The following UNC13C variants were observed in gnomAD, a reference collection of about 807,000 sequenced individuals.
UNC13C encodes the protein protein unc-13 homolog C.
UNC13C carries 174 observed loss-of-function variants against 245.4 expected under a neutral mutation model. The observed-to-expected ratio is 0.71, with a 90% CI of 0.63 to 0.80. The LOEUF is 0.80. Among genes scored for constraint, UNC13C ranks in the 30% least tolerant of loss-of-function variants. The probability of loss-of-function intolerance (pLI) is 0.00; values close to 1 mark genes in which losing one functional copy is unlikely to be tolerated. For synonymous variants in UNC13C, 992 were observed against 895.1 expected (o/e 1.11, Z -1.93); for missense variants, 2,829 against 2,602.9 (o/e 1.09, Z -1.89).
chr15:54,250,964 G>T (rs1216740390), intron 8 of UNC13C, among the ~76,000 whole-genome samples: 1 of 151,740 alleles, frequency 6.6e-6, no homozygotes, highest in African/African-American at 2.4e-5. Flanking sequence ...CATCCTGTTA[G>T]CCAGGATGGT....
chr15:54,424,078 G>A (rs576493636), intron 19 of UNC13C, among the ~76,000 whole-genome samples: 1 of 151,808 alleles, frequency 6.6e-6, no homozygotes, highest in South Asian at 2.1e-4. Context: ...AATTATTCAG[G>A]AACAAATGAA....
chr15:54,361,312 T>G (rs1475464461), intron 17 of UNC13C, among the ~76,000 whole-genome samples: 1 of 152,168 alleles, frequency 6.6e-6, no homozygotes, highest in African/African-American at 2.4e-5. Flanking sequence ...ATTCTTCAAT[T>G]TTAAGATTTT....
chr15:53,958,164 A>T, the UNC13C span, among the ~76,000 whole-genome samples: 50 of 151,988 alleles, frequency 3.3e-4, no homozygotes, highest in Admixed American at 6.5e-4. Flanking sequence ...TTGTCACCCA[A>T]TCCCCTTTTT....
the UNC13C span, among the ~76,000 whole-genome samples, chr15:53,941,508 C>G: frequency 5.3e-5 from 8 of 152,140 alleles, no homozygotes; most frequent in Middle Eastern, 3.4e-3. Context: ...GAACAGACCA[C>G]CTACATAATG....
chr15:54,259,268 A>C (rs2140881570), intron 8 of UNC13C, among the ~76,000 whole-genome samples: 1 of 152,352 alleles, frequency 6.6e-6, no homozygotes, highest in Non-Finnish European at 1.5e-5. Context: ...GATTCACTCA[A>C]GATTTTCTCC....
intron 30 of UNC13C, among the ~76,000 whole-genome samples, chr15:54,576,457 G>C (rs1897959322): frequency 6.6e-6 from 1 of 152,074 alleles, no homozygotes; most frequent in Non-Finnish European, 1.5e-5. Context: ...TTTCATGTTG[G>C]CAATAAATCC....
At chr15:54,090,505 A>T (rs1398816892) in intron 2 of UNC13C, among the ~76,000 whole-genome samples, 1 of 152,218 alleles carries the variant, frequency 6.6e-6, no homozygotes, top group African/African-American at 2.4e-5. Flanking sequence ...ATAGATCAAG[A>T]AAAGTTAAGT....
intron 19 of UNC13C, among the ~76,000 whole-genome samples, chr15:54,471,435 T>C (rs1209135683): frequency 1.3e-5 from 2 of 151,596 alleles, no homozygotes; most frequent in East Asian, 1.9e-4. Context: ...GAATTGACCC[T>C]TTATCATTTT....
the UNC13C span, among the ~76,000 whole-genome samples, chr15:53,922,179 T>A: frequency 6.6e-6 from 1 of 152,244 alleles, no homozygotes; most frequent in African/African-American, 2.4e-5. Flanking sequence ...GTGTTCAAAC[T>A]GTAGCCTTGT....
At chr15:54,559,590 G>C (rs559937739) in intron 29 of UNC13C, among the ~76,000 whole-genome samples, 1 of 152,024 alleles carries the variant, frequency 6.6e-6, no homozygotes, top group South Asian at 2.1e-4. Flanking sequence ...TTTGACTTGG[G>C]AACAAAAACA....
At chr15:53,976,820 G>C (rs1159380676), upstream of UNC13C, 5 of 152,288 alleles carry the variant, frequency 3.3e-5, no homozygotes, top group East Asian at 9.6e-4. Flanking sequence ...GTACTTTGCA[G>C]TGGTTATTTC....
chr15:54,007,674 C>G (rs1895201721), intron 1 of UNC13C, among the ~76,000 whole-genome samples: 1 of 152,110 alleles, frequency 6.6e-6, no homozygotes, highest in African/African-American at 2.4e-5. Flanking sequence ...GGCTTAATAC[C>G]TATGTAATGG....
the UNC13C span, among the ~76,000 whole-genome samples, chr15:53,919,265 C>T: frequency 2.0e-5 from 3 of 152,068 alleles, no homozygotes; most frequent in South Asian, 2.1e-4. Context: ...ATGCCTAATC[C>T]GTAGGGTTGT....
the UNC13C span, chr15:53,947,980 T>A: frequency 6.6e-6 from 1 of 152,254 alleles, no homozygotes; most frequent in East Asian, 1.9e-4. Context: ...TTAATTGTTT[T>A]AACTTTATCA....
At chr15:53,854,633 T>C in the UNC13C span, among the ~76,000 whole-genome samples, 1 of 152,208 alleles carries the variant, frequency 6.6e-6, no homozygotes, top group Non-Finnish European at 1.5e-5. Flanking sequence ...CTGAGTTCTC[T>C]ATTCTGTTCC....
At chr15:54,220,025 G>T (rs975829679) in intron 4 of UNC13C, among the ~76,000 whole-genome samples, 5 of 141,414 alleles carry the variant, frequency 3.5e-5, no homozygotes, top group African/African-American at 1.5e-4. Context: ...AACCATTGTG[G>T]AAGTCAGTGT....
At chr15:53,961,955 A>G in the UNC13C span, among the ~76,000 whole-genome samples, 1 of 152,150 alleles carries the variant, frequency 6.6e-6, no homozygotes, top group African/African-American at 2.4e-5. Context: ...CTTATCTTTA[A>G]TGTCTTTCTT....
intron 17 of UNC13C, among the ~76,000 whole-genome samples, chr15:54,355,640 G>A (rs573308411): frequency 4.6e-4 from 70 of 152,138 alleles, no homozygotes; most frequent in African/African-American, 1.7e-3. Flanking sequence ...TTACAGGTGT[G>A]AGCCACAGCA....
At chr15:54,476,866 G>C (rs1892773519) in intron 19 of UNC13C, among the ~76,000 whole-genome samples, 1 of 151,052 alleles carries the variant, frequency 6.6e-6, no homozygotes, top group Non-Finnish European at 1.5e-5. Flanking sequence ...TAGCTTGATG[G>C]GGATGGCATT....
Sources: gnomAD v4.1 joint callset for allele counts (sites outside exome capture counted in the v4.1 genomes callset) on GRCh38, gnomAD v4.1.1 for gene constraint, MANE v1.5 for transcripts, NCBI Gene and HGNC (gene_info 2026-07-23, HGNC 2026-07-21) for gene names.